ZNF473: variants seen among roughly 807,000 people sequenced by gnomAD.
ZNF473 encodes zinc finger protein 473.
ZNF473 carries 4 observed loss-of-function variants against 11.1 expected under a neutral mutation model. The ratio of observed to expected loss-of-function variants is 0.36; its 90% confidence interval spans 0.18 to 0.82. ZNF473 has a LOEUF of 0.82. ZNF473 is among the 40% of genes least tolerant of loss of function. ZNF473 has a pLI of 0.49. For synonymous variants in ZNF473, 404 were observed against 390.4 expected (o/e 1.03, Z -0.41); for missense variants, 854 against 1,084.0 (o/e 0.79, Z 2.98).
At chr19:50,043,448 A>AAAAATATATATATATATAT (rs1259545565) in intron 4 of ZNF473, 1 of 107,916 alleles carries the variant, frequency 9.3e-6, no homozygotes, top group African/African-American at 3.9e-5. Flanking sequence ...AAAAAAAAAA[A>AAAAATATATATATATATAT]ATATATATAT....
intron 4 of ZNF473, among the ~76,000 whole-genome samples, chr19:50,043,023 A>G (rs1978862337): frequency 6.6e-6 from 1 of 152,172 alleles, no homozygotes; most frequent in South Asian, 2.1e-4. Context: ...TGCACAAGGG[A>G]CAGGCTGGAA....
At chr19:50,029,523 C>T (rs2077306011) in intron 1 of ZNF473, among the ~76,000 whole-genome samples, 1 of 152,228 alleles carries the variant, frequency 6.6e-6, no homozygotes, top group Non-Finnish European at 1.5e-5. Flanking sequence ...TTTCAAAGCA[C>T]ATCTGGCCTT....
At chr19:50,044,069 TA>T (rs1978933330) in intron 4 of ZNF473, among the ~76,000 whole-genome samples, 1 of 152,068 alleles carries the variant, frequency 6.6e-6, no homozygotes, top group Admixed American at 6.5e-5. Context: ...TCAGATCCAT[TA>T]ACTACAAAGC....
Position 50,046,577 on chromosome 19 carries a change from C to G in ZNF473, c.2134C>G (p.Arg712Gly), listed in dbSNP as rs1350315911. ...GTGTAACGAATGCGGGAAAACGTTC[C>G]GTCAGAGCTCATGCCTTTCTAAGCA... Reference protein sequence around the residue: ...LVCNECGKTFRQSSCLSKHQR... With the variant: ...LVCNECGKTFGQSSCLSKHQR... The change falls in exon 5 of 5, where the codon CGT becomes GGT. Residue 712 changes from arginine to glycine, a missense_variant. Arg to Gly is a moderately radical substitution (Grantham distance 125, BLOSUM62 -2). Coordinates refer to ENST00000270617, the MANE Select transcript of ZNF473 (RefSeq NM_015428.4). The surrounding 1 kb of genome is among the most constrained non-coding windows in gnomAD (Gnocchi z 5.9). 1 of 1,614,182 alleles carries G rather than the reference C, an allele frequency of 6.2e-7. No individual in the cohort carries two copies. Among genetic ancestry groups the G allele is most frequent in the African/African-American group, 1.3e-5 (1 of 75,044 alleles).
Position 50,039,030 on chromosome 19 carries a change from C to A in ZNF473, c.10-131C>A. On this transcript the variant is annotated intron_variant, in intron 2 of 4. Coordinates refer to ENST00000270617, the MANE Select transcript of ZNF473 (RefSeq NM_015428.4). The surrounding 1 kb of genome is among the most constrained non-coding windows in gnomAD (Gnocchi z 4.8). ...TTCCAGTCTCTTACATCTCAAGATT[C>A]TTGTGAGGCTGAGGATGGGATGGTT... is the stretch of plus-strand genomic sequence containing the variant. 4 of 1,178,990 alleles carry A rather than the reference C, an allele frequency of 3.4e-6. No homozygotes were observed. The highest frequency in any genetic ancestry group is 4.8e-5 in the East Asian group (2 of 41,424). The allele number at this position is 1,178,990 out of a possible 1,614,324, so 73.0% of individuals were successfully genotyped here.
intron 1 of ZNF473, among the ~76,000 whole-genome samples, chr19:50,028,810 A>G (rs1038651713): frequency 1.3e-5 from 2 of 152,244 alleles, no homozygotes; most frequent in South Asian, 4.1e-4. Context: ...GCCAACAAAC[A>G]TTATGGGCCA....
At chr19:50,033,620 C>T (rs2077329271) in intron 2 of ZNF473, among the ~76,000 whole-genome samples, 1 of 152,122 alleles carries the variant, frequency 6.6e-6, no homozygotes, top group Non-Finnish European at 1.5e-5. Context: ...TTAAAAACAA[C>T]ACAAATTTAT....
rs1478648910 is a variant in ZNF473, at chr19:50,047,744, T to C, written c.*685T>C. The C allele has an allele frequency of 6.6e-6, 1 of 152,204 alleles. No homozygotes were observed. The highest frequency in any genetic ancestry group is 1.5e-5 in the Non-Finnish European group (1 of 68,084). The allele number at this position is 152,204 out of a possible 1,614,324, so 9.4% of individuals were successfully genotyped here. ...ACCTTCCACTCCTAACCTCCCAAGC[T>C]TCTCACTTAAAGAGGACTCCCTATC... On this transcript the variant is annotated 3_prime_UTR_variant, in exon 5 of 5. Coordinates refer to ENST00000270617, the MANE Select transcript of ZNF473 (RefSeq NM_015428.4).
rs1435100060 is a variant in ZNF473, at chr19:50,047,012, C to A, written c.2569C>A (p.Leu857Ile). Residue 857 changes from leucine (L) to isoleucine (I), a missense_variant, in exon 5 of 5, where the codon CTC becomes ATC. Physicochemically the swap from Leu to Ile is conservative, Grantham distance 5. This residue lies in a region of ZNF473 where 186 missense variants were observed against 293.8 expected (regional missense o/e 0.63). Transcript: ENST00000270617. Reference protein sequence around the residue: ...CQKAFRCHSSLSRHQRVHNKQ... With the variant: ...CQKAFRCHSSISRHQRVHNKQ... ...GAAAGCCTTTCGGTGCCACTCGAGC[C>A]TCAGCCGCCATCAGCGTGTACACAA... The A allele has an allele frequency of 6.2e-7, 1 of 1,613,988 alleles. No individual in the cohort carries two copies. Among genetic ancestry groups the A allele is most frequent in the Non-Finnish European group, 8.5e-7 (1 of 1,180,026 alleles).
In ZNF473 at chr19:50,047,095, C is replaced by T. The variant is rs777117400; in HGVS notation, c.*36C>T. On this transcript the variant is annotated 3_prime_UTR_variant, in exon 5 of 5. Transcript: ENST00000270617. ...GCAGCAGAGTCCCAGAATATGAGACCGTTACTCGGATGTTGAAAGTTGGAA... is the reference window on the plus strand; with the variant it reads ...GCAGCAGAGTCCCAGAATATGAGACTGTTACTCGGATGTTGAAAGTTGGAA... 6.5e-6 allele frequency: 10 copies of T among 1,535,642 alleles called. No homozygotes were observed. The East Asian group carries it at 9.1e-5, about 14-fold the overall frequency.
At chr19:50,034,903 G>T (rs982796388) in intron 2 of ZNF473, among the ~76,000 whole-genome samples, 1 of 152,166 alleles carries the variant, frequency 6.6e-6, no homozygotes, top group African/African-American at 2.4e-5. Flanking sequence ...GGTCCTGGCA[G>T]ATAGTGATGC....
At position 50,039,427 on chromosome 19, in the gene ZNF473, C is replaced by A; in HGVS notation, c.136+140C>A. 1 of 1,171,736 alleles carries A rather than the reference C, an allele frequency of 8.5e-7. No homozygotes were observed. The highest frequency in any genetic ancestry group is 1.2e-6 in the Non-Finnish European group (1 of 840,806). 72.6% of individuals were successfully genotyped at this position (1,171,736 alleles called of 1,614,324 possible). A position where few individuals can be genotyped will look rare whatever the true frequency, so the allele number is the denominator to read the frequency against. ...CCTAGCCCAGCAGTTCTCAGCTGGC[C>A]GAGGAGACATTGGCAATGTGTGGAG... On this transcript the variant is annotated intron_variant, in intron 3 of 4. Transcript: ENST00000270617. This position sits in a 1 kb window ranked among gnomAD's most constrained non-coding sequence, Gnocchi z 4.8.
In ZNF473 at chr19:50,044,649, C is replaced by T. The variant is rs150150709; in HGVS notation, c.227-21C>T. The T allele has an allele frequency of 3.2e-4, 508 of 1,574,394 alleles. No individual in the cohort carries two copies. In the African/African-American group the frequency reaches 5.7e-3, roughly 18 times the overall value. ...GTTCTCACCCTTAGTGAACAGGAGACATTTGCACTTGCTCTTTCAGATGTG... is the reference window on the plus strand; with the variant it reads ...GTTCTCACCCTTAGTGAACAGGAGATATTTGCACTTGCTCTTTCAGATGTG... On this transcript the variant is annotated intron_variant, in intron 4 of 4. Coordinates refer to ENST00000270617, the MANE Select transcript of ZNF473 (RefSeq NM_015428.4).
In ZNF473 at chr19:50,047,114, G is replaced by A. The variant is rs1300275096; in HGVS notation, c.*55G>A. 8 of 1,445,058 alleles carry A rather than the reference G, an allele frequency of 5.5e-6. No individual in the cohort carries two copies. The highest frequency in any genetic ancestry group is 1.4e-5 in the African/African-American group (1 of 70,946). 89.5% of individuals were successfully genotyped at this position (1,445,058 alleles called of 1,614,324 possible). On this transcript the variant is annotated 3_prime_UTR_variant, in exon 5 of 5. Transcript: ENST00000270617. Reference sequence around the variant, plus strand: ...TGAGACCGTTACTCGGATGTTGAAAGTTGGAAACTATCCCATTGCAAGTTT... The same window carrying A: ...TGAGACCGTTACTCGGATGTTGAAAATTGGAAACTATCCCATTGCAAGTTT...
intron 4 of ZNF473, 95 bp downstream of exon 4, chr19:50,041,914 T>G (rs1978799257): frequency 1.0e-6 from 1 of 982,838 alleles, no homozygotes; most frequent in Non-Finnish European, 1.5e-6. Flanking sequence ...TACCGAGACA[T>G]TACAACGCTC....
In ZNF473 at chr19:50,045,421, C is replaced by G. The variant is rs1156922681; in HGVS notation, c.978C>G (p.Gly326=). 13 of 1,614,026 alleles carry G rather than the reference C, an allele frequency of 8.1e-6. No homozygotes were observed. Among genetic ancestry groups the G allele is most frequent in the African/African-American group, 1.3e-5 (1 of 74,890 alleles). ...AGTCCTACAACTGTAACGAATGCGGCAAGGCTTTTACCCGGATCTTCCACC... is the reference window on the plus strand; with the variant it reads ...AGTCCTACAACTGTAACGAATGCGGGAAGGCTTTTACCCGGATCTTCCACC... ...DSKSYNCNEC[G]KAFTRIFHLT... is the part of the protein sequence containing the mutation. Residue 326 remains glycine (G), a synonymous_variant, in exon 5 of 5, where the codon GGC becomes GGG. Transcript: ENST00000270617.
Position 50,048,662 on chromosome 19 carries a change from A to G in ZNF473, c.*1603A>G, listed in dbSNP as rs929635436. 8.5e-5 allele frequency: 13 copies of G among 152,290 alleles called. No homozygotes were observed. Among genetic ancestry groups the G allele is most frequent in the African/African-American group, 3.1e-4 (13 of 41,464 alleles). 9.4% of individuals were successfully genotyped at this position (152,290 alleles called of 1,614,324 possible). ...GGGACTCTATGGAAAACTGGCAGCC[A>G]TTGGGTGTGGGGGCAGTCTGTAAAT... On this transcript the variant is annotated 3_prime_UTR_variant, in exon 5 of 5. Transcript: ENST00000270617.
At position 50,045,436 on chromosome 19, in the gene ZNF473, G is replaced by T. The variant is rs756670722; in HGVS notation, c.993G>T (p.Arg331=). 8 of 1,614,028 alleles carry T rather than the reference G, an allele frequency of 5.0e-6. No homozygotes were observed. Among genetic ancestry groups the T allele is most frequent in the Admixed American group, 3.3e-5 (2 of 60,016 alleles). The change falls in exon 5 of 5, where the codon CGG becomes CGT. Residue 331 remains arginine, a synonymous_variant. Transcript: ENST00000270617. ...ACGAATGCGGCAAGGCTTTTACCCGGATCTTCCACCTTACTCGGCACCAGA... is the reference window on the plus strand; with the variant it reads ...ACGAATGCGGCAAGGCTTTTACCCGTATCTTCCACCTTACTCGGCACCAGA... ...NCNECGKAFT[R]IFHLTRHQKI... is the part of the protein sequence containing the mutation.
chr19:50,032,966 A>AT (rs754817388), intron 2 of ZNF473, among the ~76,000 whole-genome samples: 1 of 151,946 alleles, frequency 6.6e-6, no homozygotes, highest in Non-Finnish European at 1.5e-5. Flanking sequence ...GTCGTTTTGG[A>AT]TTAGGACCCA....
Sources: gnomAD v4.1 joint callset for allele counts (sites outside exome capture counted in the v4.1 genomes callset) on GRCh38, gnomAD v4.1.1 for gene constraint, gnomAD v4.1.1 regional missense constraint, Gnocchi (gnomAD v3.1) non-coding constraint, MANE v1.5 for transcripts, NCBI Gene and HGNC (gene_info 2026-07-23, HGNC 2026-07-21) for gene names.